SELENOI: variants seen among roughly 807,000 people sequenced by gnomAD.
SELENOI encodes the protein selenoprotein I.
A neutral mutation model predicts 50.7 loss-of-function variants in SELENOI; 24 were observed. The ratio of observed to expected loss-of-function variants is 0.47; its 90% confidence interval spans 0.34 to 0.67. SELENOI has a LOEUF of 0.67. SELENOI is among the 30% of genes least tolerant of loss of function. The pLI is 0.01. For synonymous variants in SELENOI, 155 were observed against 170.2 expected (o/e 0.91, Z 0.70); for missense variants, 352 against 461.4 (o/e 0.76, Z 2.17).
chr2:26,346,152 G>T lies in SELENOI; in HGVS notation c.-81G>T, dbSNP rs773529782. 6.2e-6 allele frequency: 10 copies of T among 1,606,426 alleles called. No individual in the cohort carries two copies. The African/African-American group carries it at 8.0e-5, about 13-fold the overall frequency. On this transcript the variant is annotated 5_prime_UTR_variant, in exon 1 of 10. Coordinates refer to ENST00000260585, the MANE Select transcript of SELENOI (RefSeq NM_033505.4). ...GGGCAGCCCAGTCTTTGCCATCCTT[G>T]CCCAGCCGGTGTGGTGCTTGTGTGT...
At chr2:26,360,318 T>G (rs1677149282) in intron 1 of SELENOI, among the ~76,000 whole-genome samples, 1 of 152,220 alleles carries the variant, frequency 6.6e-6, no homozygotes. Flanking sequence ...CTATAATCTA[T>G]TAATCTTTCT....
intron 4 of SELENOI, 135 bp from the exon 5 acceptor site, chr2:26,373,232 G>C: frequency 9.4e-7 from 1 of 1,060,822 alleles, no homozygotes; most frequent in Non-Finnish European, 1.3e-6. Flanking sequence ...GATTTTTATA[G>C]TACCAGCTGA....
chr2:26,376,744 T>C (rs1489098634), intron 6 of SELENOI, among the ~76,000 whole-genome samples: 1 of 152,262 alleles, frequency 6.6e-6, no homozygotes, highest in African/African-American at 2.4e-5. Context: ...TAGGTTTTTT[T>C]ATAGTGCAGG....
At chr2:26,376,949 T>G (rs1447434426) in intron 6 of SELENOI, among the ~76,000 whole-genome samples, 1 of 152,230 alleles carries the variant, frequency 6.6e-6, no homozygotes, top group Non-Finnish European at 1.5e-5. Context: ...CTTTTTATCT[T>G]TGGCTTTCGG....
chr2:26,372,370 G>A (rs550295994), intron 4 of SELENOI, among the ~76,000 whole-genome samples: 3 of 152,196 alleles, frequency 2.0e-5, no homozygotes, highest in East Asian at 1.9e-4. Flanking sequence ...CTTGGCCTCC[G>A]AAAGTGCTGG....
intron 1 of SELENOI, among the ~76,000 whole-genome samples, chr2:26,354,001 C>T (rs1008417118): frequency 3.3e-5 from 5 of 152,030 alleles, no homozygotes; most frequent in African/African-American, 9.7e-5. Context: ...AAGGAAGTGG[C>T]GGGTGTGTAA....
rs1244991068 is a variant in SELENOI, at chr2:26,389,746, A to C, written c.*643A>C. ...AATTTTCTCCTAAAGAGAAATAATC[A>C]GTTGAGAATTTGAGAATGGGTTGTA... is the stretch of plus-strand genomic sequence containing the variant. On this transcript the variant is annotated 3_prime_UTR_variant, in exon 10 of 10. Transcript: ENST00000260585. 3 of 152,550 alleles carry C rather than the reference A, an allele frequency of 2.0e-5. No homozygotes were observed. Among genetic ancestry groups the C allele is most frequent in the African/African-American group, 7.2e-5 (3 of 41,428 alleles). 9.4% of individuals were successfully genotyped at this position (152,550 alleles called of 1,614,324 possible). A position where few individuals can be genotyped will look rare whatever the true frequency, so the allele number is the denominator to read the frequency against.
rs138179072 is a variant in SELENOI at position 26,354,435 on chromosome 2, G to T, written c.57+8146G>T. ...AGACTCTCGCTCTGTCGCCCAGGCT[G>T]GAGTGCAGTGGTGCGATCTCGGCTC... On this transcript the variant is annotated intron_variant, in intron 1 of 9. Coordinates refer to ENST00000260585, the MANE Select transcript of SELENOI (RefSeq NM_033505.4). 3.4e-3 allele frequency among the ~76,000 whole-genome samples: 510 copies of T among 152,228 alleles called. 4 individuals carry two copies. The highest frequency in any genetic ancestry group is 0.011 in the African/African-American group (474 of 41,536).
chr2:26,358,015 C>T (rs923189194), intron 1 of SELENOI, among the ~76,000 whole-genome samples: 1 of 152,192 alleles, frequency 6.6e-6, no homozygotes, highest in Admixed American at 6.5e-5. Flanking sequence ...TGCCTGTCGC[C>T]AAGTAAGACA....
intron 1 of SELENOI, 128 bp downstream of exon 1, chr2:26,346,417 G>T: frequency 8.3e-7 from 1 of 1,202,200 alleles, no homozygotes; most frequent in Non-Finnish European, 1.1e-6. Flanking sequence ...GCGTTCCTCC[G>T]GAGGTCCTGC....
At chr2:26,370,853 G>A (rs1200963467) in intron 4 of SELENOI, among the ~76,000 whole-genome samples, 5 of 131,720 alleles carry the variant, frequency 3.8e-5, no homozygotes, top group Admixed American at 7.4e-5. Flanking sequence ...CCTCCCTCCC[G>A]GACGGGGCGG....
rs965933096 is a variant in SELENOI at position 26,395,094 on chromosome 2, A to T, written c.*5991A>T. 3.9e-5 allele frequency: 6 copies of T among 152,244 alleles called. No individual in the cohort carries two copies. Among genetic ancestry groups the T allele is most frequent in the African/African-American group, 1.4e-4 (6 of 41,466 alleles). The allele number at this position is 152,244 out of a possible 1,614,324, so 9.4% of individuals were successfully genotyped here. A position where few individuals can be genotyped will look rare whatever the true frequency, so the allele number is the denominator to read the frequency against. ...GGGACGTGCAGTGTTCATAGTAGCAATGTATGTACCATTTATTTTATCTGG... is the reference window on the plus strand; with the variant it reads ...GGGACGTGCAGTGTTCATAGTAGCATTGTATGTACCATTTATTTTATCTGG... On this transcript the variant is annotated 3_prime_UTR_variant, in exon 10 of 10. Transcript: ENST00000260585.
intron 1 of SELENOI, among the ~76,000 whole-genome samples, chr2:26,347,259 T>C (rs890838319): frequency 1.3e-5 from 2 of 152,206 alleles, no homozygotes; most frequent in Non-Finnish European, 2.9e-5. Context: ...TGTTCGTTTA[T>C]GGAATTGCTG....
chr2:26,358,139 A>G (rs895159443), intron 1 of SELENOI, among the ~76,000 whole-genome samples: 3 of 152,142 alleles, frequency 2.0e-5, no homozygotes, highest in African/African-American at 7.2e-5. Context: ...GCAGTGGCTC[A>G]CGCCTGCAAT....
chr2:26,375,321 T>G (rs980096492), intron 6 of SELENOI, among the ~76,000 whole-genome samples, 173 bp downstream of exon 6: 4 of 152,196 alleles, frequency 2.6e-5, no homozygotes, highest in Non-Finnish European at 5.9e-5. Flanking sequence ...AAGGTTTCCC[T>G]GTTTTTGGGG....
At chr2:26,362,049 A>G (rs1470764687) in intron 1 of SELENOI, among the ~76,000 whole-genome samples, 1 of 152,170 alleles carries the variant, frequency 6.6e-6, no homozygotes, top group East Asian at 1.9e-4. Context: ...AGAACCTCAG[A>G]CATGGAGTCT....
At chr2:26,379,139 C>T (rs1572335010) in intron 6 of SELENOI, among the ~76,000 whole-genome samples, 1 of 152,290 alleles carries the variant, frequency 6.6e-6, no homozygotes, top group South Asian at 2.1e-4. Context: ...TGGCGTATGC[C>T]TGTAATCCCA....
At chr2:26,354,855 G>A (rs1677034257) in intron 1 of SELENOI, among the ~76,000 whole-genome samples, 7 of 152,174 alleles carry the variant, frequency 4.6e-5, no homozygotes, top group Admixed American at 4.6e-4. Flanking sequence ...AGGGGCAAGC[G>A]GGCCTGAATT....
At chr2:26,366,467 TA>T (rs947280497) in intron 3 of SELENOI, among the ~76,000 whole-genome samples, 2 of 152,214 alleles carry the variant, frequency 1.3e-5, no homozygotes, top group Non-Finnish European at 2.9e-5. Context: ...AAATGTTATA[TA>T]TATCTCCCCA....
Sources: allele counts gnomAD v4.1 joint callset (sites outside exome capture counted in the v4.1 genomes callset), GRCh38; gene constraint gnomAD v4.1.1; transcripts MANE v1.5; gene names NCBI Gene and HGNC (gene_info 2026-07-23, HGNC 2026-07-21).